Variants in CARNMT1 observed in about 807,000 individuals in gnomAD.
CARNMT1 encodes protein-L-histidine N-pros-methyltransferase CARNMT1.
In CARNMT1, 28 loss-of-function variants were observed where a neutral mutation model predicts 49.6. The ratio of observed to expected loss-of-function variants is 0.56; its 90% CI spans 0.42 to 0.77. The LOEUF (loss-of-function observed/expected upper bound fraction) is 0.77. CARNMT1 is among the 30% of genes least tolerant of loss of function. CARNMT1 has a pLI of 0.00. For missense variants in CARNMT1, 421 were observed against 512.6 expected (o/e 0.82, Z 1.73); for synonymous variants, 178 against 175.0 (o/e 1.02, Z -0.13).
At chr9:74,999,644 C>T in intron 4 of CARNMT1, 86 bp downstream of exon 4, 1 of 1,219,814 alleles carries the variant, frequency 8.2e-7, no homozygotes, top group Non-Finnish European at 1.1e-6. Context: ...ATGTACTTAT[C>T]TTCAAATTCA....
intron 1 of CARNMT1, among the ~76,000 whole-genome samples, chr9:75,025,282 T>A (rs1308971182): frequency 1.3e-5 from 2 of 152,240 alleles, no homozygotes; most frequent in Non-Finnish European, 2.9e-5. Context: ...TACTGCTATA[T>A]GCAATTTACT....
intron 3 of CARNMT1, among the ~76,000 whole-genome samples, chr9:75,011,651 A>G (rs1249929021): frequency 1.3e-5 from 2 of 152,152 alleles, no homozygotes; most frequent in African/African-American, 4.8e-5. Context: ...TATAGACATG[A>G]GCCTTGACAC....
In CARNMT1 at chr9:74,983,622, G is replaced by C. The variant is rs1163845867; in HGVS notation, c.*145C>G. 1 of 503,926 alleles carries C rather than the reference G, an allele frequency of 2.0e-6. No individual in the cohort carries two copies. Among genetic ancestry groups the C allele is most frequent in the Non-Finnish European group, 3.6e-6 (1 of 276,582 alleles). 31.2% of individuals were successfully genotyped at this position (503,926 alleles called of 1,614,324 possible). A position where few individuals can be genotyped will look rare whatever the true frequency, so the allele number is the denominator to read the frequency against. ...AAGCAATAGACATATTAAGAAAATA[G>C]ACACTATTTCTAAATTTCGTTAGGA... On this transcript the variant is annotated 3_prime_UTR_variant, in exon 8 of 8. Transcript: ENST00000376834.
At chr9:75,007,747 A>AG (rs1833557343) in intron 3 of CARNMT1, among the ~76,000 whole-genome samples, 1 of 149,672 alleles carries the variant, frequency 6.7e-6, no homozygotes, top group Admixed American at 6.7e-5. Context: ...AAAAATAATA[A>AG]AAAAAAAAAA....
chr9:75,000,867 T>G (rs1002983066), intron 3 of CARNMT1, among the ~76,000 whole-genome samples: 2 of 152,298 alleles, frequency 1.3e-5, no homozygotes, highest in Middle Eastern at 3.4e-3. Context: ...AACCTTTGCA[T>G]GTCCCACTTC....
intron 1 of CARNMT1, among the ~76,000 whole-genome samples, chr9:75,024,040 GA>G (rs1012198937): frequency 6.6e-6 from 1 of 152,066 alleles, no homozygotes; most frequent in Non-Finnish European, 1.5e-5. Flanking sequence ...ACTCTCTCTA[GA>G]AACCTGGTGT....
chr9:75,014,482 T>C (rs1353966794), intron 3 of CARNMT1, among the ~76,000 whole-genome samples: 2 of 152,042 alleles, frequency 1.3e-5, no homozygotes, highest in Non-Finnish European at 2.9e-5. Flanking sequence ...CCTAACAGTA[T>C]TCAGGGTTAA....
At chr9:74,994,143 T>C (rs1189678525) in intron 6 of CARNMT1, among the ~76,000 whole-genome samples, 1 of 152,140 alleles carries the variant, frequency 6.6e-6, no homozygotes, top group Admixed American at 6.6e-5. Flanking sequence ...TCTCCCTCTA[T>C]GCACAACCAA....
rs181980248 is a variant in CARNMT1 at position 74,998,390 on chromosome 9, T to G, written c.910+208A>C. 2.4e-3 allele frequency among the ~76,000 whole-genome samples: 360 copies of G among 152,298 alleles called. 1 individual carries two copies. The highest frequency in any genetic ancestry group is 8.4e-3 in the African/African-American group (351 of 41,566). On this transcript the variant is annotated intron_variant, in intron 5 of 7. Transcript: ENST00000376834. ...TCTTAGTATTAATGGGCCCAACAGA[T>G]TCTAAATTTCTTGACTGTAGATATC...
intron 3 of CARNMT1, among the ~76,000 whole-genome samples, chr9:75,003,510 G>A (rs1260286612): frequency 1.3e-5 from 2 of 152,212 alleles, no homozygotes; most frequent in East Asian, 3.9e-4. Flanking sequence ...CGACATTGCC[G>A]GCAAAGCCTA....
At position 74,981,019 on chromosome 9, in the gene CARNMT1, G is replaced by A. The variant is rs1023796120; in HGVS notation, c.*2748C>T. On this transcript the variant is annotated 3_prime_UTR_variant, in exon 8 of 8. Coordinates refer to ENST00000376834, the MANE Select transcript of CARNMT1 (RefSeq NM_152420.3). ...TTTAGATGAAAACCAAGCAACTATC[G>A]TTTCATAGCAATTGGCAGACTTTAA... 1 of 152,136 alleles carries A rather than the reference G, an allele frequency of 6.6e-6. No individual in the cohort carries two copies. The highest frequency in any genetic ancestry group is 2.1e-4 in the South Asian group (1 of 4,832). 9.4% of individuals were successfully genotyped at this position (152,136 alleles called of 1,614,324 possible). A position where few individuals can be genotyped will look rare whatever the true frequency, so the allele number is the denominator to read the frequency against.
chr9:75,010,490 G>T lies in CARNMT1; in HGVS notation c.590+5778C>A, dbSNP rs114275374. On this transcript the variant is annotated intron_variant, in intron 3 of 7. Coordinates refer to ENST00000376834, the MANE Select transcript of CARNMT1 (RefSeq NM_152420.3). The stretch of plus-strand genomic sequence containing the variant: ...AAATAATCAGTGAAGTTGAAGTTAG[G>T]TTAACAGAAATTATCCAAACTATAC... 8.7e-3 allele frequency among the ~76,000 whole-genome samples: 1,328 copies of T among 152,184 alleles called. 17 individuals carry two copies. The highest frequency in any genetic ancestry group is 0.03 in the African/African-American group (1,245 of 41,518).
intron 3 of CARNMT1, among the ~76,000 whole-genome samples, chr9:75,004,988 A>G (rs1055244220): frequency 1.3e-5 from 2 of 152,224 alleles, no homozygotes; most frequent in African/African-American, 2.4e-5. Flanking sequence ...TTAAGAATCT[A>G]TATTTCCTTA....
chr9:75,007,129 T>A (rs1050409337), intron 3 of CARNMT1, among the ~76,000 whole-genome samples: 1 of 152,232 alleles, frequency 6.6e-6, no homozygotes, highest in Non-Finnish European at 1.5e-5. Flanking sequence ...ACCTGGACTT[T>A]ATAGAAAGTA....
chr9:74,983,977 T>C (rs1457832608), intron 7 of CARNMT1, 109 bp from the exon 8 acceptor site: 1 of 596,170 alleles, frequency 1.7e-6, no homozygotes, highest in East Asian at 3.0e-5. Context: ...AGCATATTCA[T>C]TTATTACATA....
At chr9:74,993,785 A>G (rs1394771881) in intron 6 of CARNMT1, among the ~76,000 whole-genome samples, 1 of 152,100 alleles carries the variant, frequency 6.6e-6, no homozygotes, top group East Asian at 1.9e-4. Context: ...TTCCCTCACC[A>G]CTCCCACTGA....
rs1466330189 is a variant in CARNMT1 at position 75,016,410 on chromosome 9, C to T, written c.448G>A (p.Ala150Thr). 6.2e-7 allele frequency: 1 copy of T among 1,613,798 alleles called. No individual in the cohort carries two copies. ...AACTTATCCATGTCAAATGTAGATGCTGGCATAATCTTTCCATTCCCCTGT... is the reference window on the plus strand; with the variant it reads ...AACTTATCCATGTCAAATGTAGATGTTGGCATAATCTTTCCATTCCCCTGT... ...GEDGNGKIMP[A>T]STFDMDKLKS... Residue 150 changes from alanine (A) to threonine (T), a missense_variant, in exon 3 of 8, where the codon GCA becomes ACA. Coordinates refer to ENST00000376834, the MANE Select transcript of CARNMT1 (RefSeq NM_152420.3).
rs1280757917 is a variant in CARNMT1 at position 75,028,182 on chromosome 9, T to C, written c.60A>G (p.Gly20=). ...PTSRLPEGCG[G]GGGGSEEVEV... Reference sequence around the variant, plus strand: ...CCACCTCCTCGCTGCCACCGCCTCCTCCCCCGCAGCCCTCGGGCAGCCGGG... The same window carrying C: ...CCACCTCCTCGCTGCCACCGCCTCCCCCCCCGCAGCCCTCGGGCAGCCGGG... Residue 20 remains glycine, a synonymous_variant, in exon 1 of 8, where the codon GGA becomes GGG. Coordinates refer to ENST00000376834, the MANE Select transcript of CARNMT1 (RefSeq NM_152420.3). 2.0e-6 allele frequency: 3 copies of C among 1,512,274 alleles called. No individual in the cohort carries two copies. The highest frequency in any genetic ancestry group is 2.1e-5 in the Admixed American group (1 of 46,786). 93.7% of individuals were successfully genotyped at this position (1,512,274 alleles called of 1,614,324 possible). A position where few individuals can be genotyped will look rare whatever the true frequency, so the allele number is the denominator to read the frequency against.
At chr9:75,012,068 G>A (rs1833704602) in intron 3 of CARNMT1, among the ~76,000 whole-genome samples, 1 of 152,072 alleles carries the variant, frequency 6.6e-6, no homozygotes, top group Non-Finnish European at 1.5e-5. Context: ...CCACTTCTAA[G>A]AATTTAAATT....
Sources: gnomAD v4.1 joint callset for allele counts (sites outside exome capture counted in the v4.1 genomes callset) on GRCh38, gnomAD v4.1.1 for gene constraint, MANE v1.5 for transcripts, NCBI Gene and HGNC (gene_info 2026-07-23, HGNC 2026-07-21) for gene names.